The following FA2H variants were observed in gnomAD, a reference collection of about 807,000 sequenced individuals.
FA2H encodes the protein fatty acid 2-hydroxylase.
In FA2H, 22 loss-of-function variants were observed where a neutral mutation model predicts 44.9. That is an observed-to-expected ratio of 0.49 (90% CI 0.35 to 0.70). FA2H has a LOEUF of 0.70. Ranked by LOEUF, FA2H falls within the 30% of genes least tolerant of loss-of-function variation. The probability of loss-of-function intolerance (pLI) is 0.01; values close to 1 mark genes in which losing one functional copy is unlikely to be tolerated. For synonymous variants in FA2H, 243 were observed against 213.2 expected, an observed-to-expected ratio of 1.14 and a Z score of -1.22; for missense variants, 501 against 504.9, an observed-to-expected ratio of 0.99 and a Z score of 0.07.
intron 1 of FA2H, among the ~76,000 whole-genome samples, chr16:74,761,789 A>AG (rs1962716676): frequency 1.3e-5 from 2 of 152,214 alleles, no homozygotes; most frequent in Non-Finnish European, 2.9e-5. Flanking sequence ...ACATCCATGC[A>AG]GAAAAAAAAT....
intron 4 of FA2H, among the ~76,000 whole-genome samples, chr16:74,725,021 G>A (rs1452215120): frequency 6.6e-6 from 1 of 152,208 alleles, no homozygotes; most frequent in African/African-American, 2.4e-5. Context: ...GGCGGACAGT[G>A]GGTGATTCAG....
At chr16:74,765,479 T>C (rs1430376797) in intron 1 of FA2H, among the ~76,000 whole-genome samples, 3 of 152,210 alleles carry the variant, frequency 2.0e-5, no homozygotes, top group South Asian at 2.1e-4. Context: ...TAAAGTATCT[T>C]GCATATGCTA....
intron 1 of FA2H, among the ~76,000 whole-genome samples, chr16:74,756,475 G>A (rs941443730): frequency 3.3e-5 from 5 of 152,188 alleles, no homozygotes; most frequent in African/African-American, 9.6e-5. Context: ...GGGCAAGCCC[G>A]GCAGCCCTAG....
chr16:74,717,854 C>T (rs554206979), intron 5 of FA2H, among the ~76,000 whole-genome samples: 96 of 152,258 alleles, frequency 6.3e-4, no homozygotes, highest in African/African-American at 2.1e-3. Context: ...GGAAAGATAG[C>T]GGACAGGGCA....
chr16:74,758,117 CTTTTTTTTTTTT>C (rs71378706), intron 1 of FA2H, among the ~76,000 whole-genome samples: 8 of 113,564 alleles, frequency 7.0e-5, no homozygotes, highest in African/African-American at 2.9e-4. Flanking sequence ...GGAAACAATT[CTTTTTTTTTTTT>C]TTTTTTTTTG....
At chr16:74,718,365 C>A (rs887450002) in intron 5 of FA2H, among the ~76,000 whole-genome samples, 1 of 152,042 alleles carries the variant, frequency 6.6e-6, no homozygotes, top group Non-Finnish European at 1.5e-5. Flanking sequence ...AGAGAAGCAG[C>A]GGGGGGTACA....
chr16:74,744,160 G>A (rs1020582383), intron 1 of FA2H, among the ~76,000 whole-genome samples: 54 of 152,140 alleles, frequency 3.5e-4, no homozygotes, highest in Non-Finnish European at 2.2e-4. Context: ...CTCCCGCCCC[G>A]GTGTTTATTT....
intron 1 of FA2H, among the ~76,000 whole-genome samples, chr16:74,770,241 G>C (rs1962881453): frequency 6.6e-6 from 1 of 152,256 alleles, no homozygotes. Flanking sequence ...GAGGAGGGAA[G>C]TGCAAAAGGC....
chr16:74,723,563 A>G lies in FA2H; in HGVS notation c.613+2662T>C, dbSNP rs1217922240. 6.6e-5 allele frequency among the ~76,000 whole-genome samples: 10 copies of G among 152,072 alleles called. No homozygotes were observed. The South Asian group carries it at 2.1e-3, about 32-fold the overall frequency. On this transcript the variant is annotated intron_variant, in intron 4 of 6. Transcript: ENST00000219368. ...CCTCCTCTTGGGTTTCCTTCCTGGG[A>G]GGCTGTGGTTACTGACATCCACATA...
At chr16:74,725,844 C>T (rs1448788503) in intron 4 of FA2H, 15 of 346,860 alleles carry the variant, frequency 4.3e-5, no homozygotes, top group Non-Finnish European at 7.3e-5. Flanking sequence ...TAGGCCAGTC[C>T]GAGTCTAGCT....
intron 2 of FA2H, among the ~76,000 whole-genome samples, chr16:74,737,550 G>A (rs1962206350): frequency 1.3e-5 from 2 of 151,946 alleles, no homozygotes; most frequent in African/African-American, 4.8e-5. Flanking sequence ...CTGGCCTGTT[G>A]TCCTCTCACT....
At chr16:74,722,515 G>A (rs765602340) in intron 4 of FA2H, among the ~76,000 whole-genome samples, 2 of 151,678 alleles carry the variant, frequency 1.3e-5, no homozygotes, top group Non-Finnish European at 2.9e-5. Context: ...CAGCCTGGAT[G>A]ACAGAGCAAG....
chr16:74,717,361 A>G (rs558781824), intron 5 of FA2H, among the ~76,000 whole-genome samples: 1 of 152,262 alleles, frequency 6.6e-6, no homozygotes, highest in South Asian at 2.1e-4. Flanking sequence ...CTCCCTTCAG[A>G]CCAGGAACAA....
At chr16:74,718,792 C>T (rs562219461) in intron 5 of FA2H, among the ~76,000 whole-genome samples, 196 bp downstream of exon 5, 1 of 152,340 alleles carries the variant, frequency 6.6e-6, no homozygotes, top group Non-Finnish European at 1.5e-5. Flanking sequence ...CTTGATGCTG[C>T]ACACCCACGC....
At chr16:74,753,106 T>C (rs1192101695) in intron 1 of FA2H, among the ~76,000 whole-genome samples, 2 of 152,246 alleles carry the variant, frequency 1.3e-5, no homozygotes, top group Non-Finnish European at 2.9e-5. Context: ...CCCTGCGTCC[T>C]GTTCCACAGC....
intron 2 of FA2H, among the ~76,000 whole-genome samples, chr16:74,735,086 C>A (rs1334829161): frequency 6.6e-6 from 1 of 152,202 alleles, no homozygotes; most frequent in Non-Finnish European, 1.5e-5. Context: ...CCGATGATGA[C>A]CTCTTTTGAC....
In FA2H at chr16:74,727,246, G is replaced by C. The variant is rs758742229; in HGVS notation, c.504C>G (p.Val168=). The C allele has an allele frequency of 1.9e-6, 3 of 1,614,034 alleles. No individual in the cohort carries two copies. Among genetic ancestry groups the C allele is most frequent in the South Asian group, 2.2e-5 (2 of 91,084 alleles). ...SDLIEGLSKT[V]WYSVPIIWVP... ...CACAGGCTCAGGGAAGAGCTCACCAGACAGTCTTAGAGAGGCCCTCAATGA... is the reference window on the plus strand; with the variant it reads ...CACAGGCTCAGGGAAGAGCTCACCACACAGTCTTAGAGAGGCCCTCAATGA... The change falls in exon 3 of 7, where the codon GTC becomes GTG. Residue 168 remains valine, a splice_region_variant and synonymous_variant. Transcript: ENST00000219368.
chr16:74,726,347 C>G lies in FA2H; in HGVS notation c.507-16G>C, dbSNP rs1471422962. 3 of 1,533,490 alleles carry G rather than the reference C, an allele frequency of 2.0e-6. No individual in the cohort carries two copies. The South Asian group carries it at 3.4e-5, about 17-fold the overall frequency. The allele number at this position is 1,533,490 out of a possible 1,614,324, so 95.0% of individuals were successfully genotyped here. On this transcript the variant is annotated splice_polypyrimidine_tract_variant and intron_variant, in intron 3 of 6. Coordinates refer to ENST00000219368, the MANE Select transcript of FA2H (RefSeq NM_024306.5). ...GACACTGTACCTGCAGGAAGGCCATCAGGGTGAGAGAGATACATGCACAGG... is the reference window on the plus strand; with the variant it reads ...GACACTGTACCTGCAGGAAGGCCATGAGGGTGAGAGAGATACATGCACAGG...
intron 1 of FA2H, among the ~76,000 whole-genome samples, chr16:74,741,853 T>C (rs1296650688): frequency 6.9e-6 from 1 of 143,916 alleles, no homozygotes; most frequent in Admixed American, 6.9e-5. Context: ...TGTGTATGTG[T>C]GTATGTGTGT....
Sources: allele counts gnomAD v4.1 joint callset (sites outside exome capture counted in the v4.1 genomes callset), GRCh38; gene constraint gnomAD v4.1.1; transcripts MANE v1.5; gene names NCBI Gene and HGNC (gene_info 2026-07-23, HGNC 2026-07-21).